Variants in GOLGB1 observed in about 807,000 individuals in gnomAD.
GOLGB1 encodes the protein golgin B1.
GOLGB1 carries 174 observed loss-of-function variants against 336.9 expected under a neutral mutation model. The observed-to-expected ratio is 0.52, with a 90% CI of 0.46 to 0.59. The LOEUF (loss-of-function observed/expected upper bound fraction) is 0.59, where lower values mean the gene tolerates loss of function less well. Among genes scored for constraint, GOLGB1 ranks in the 20% least tolerant of loss-of-function variants. GOLGB1 has a pLI of 0.00. For synonymous variants in GOLGB1, 1,208 were observed against 1,289.2 expected (o/e 0.94, Z 1.35); for missense variants, 3,331 against 3,645.3 (o/e 0.91, Z 2.22).
chr3:121,674,164 T>C (rs981712619), intron 17 of GOLGB1, among the ~76,000 whole-genome samples: 7 of 152,216 alleles, frequency 4.6e-5, no homozygotes, highest in Non-Finnish European at 5.9e-5. Flanking sequence ...ATTCTTTAGG[T>C]TTTTCTAAGT....
At chr3:121,667,889 C>T (rs1453661811) in intron 19 of GOLGB1, among the ~76,000 whole-genome samples, 172 bp downstream of exon 19, 5 of 152,178 alleles carry the variant, frequency 3.3e-5, no homozygotes, top group African/African-American at 1.2e-4. Flanking sequence ...AAACTTTTCA[C>T]ACACAAATGT....
chr3:121,705,460 T>C (rs947400672), intron 10 of GOLGB1, among the ~76,000 whole-genome samples: 1 of 152,178 alleles, frequency 6.6e-6, no homozygotes, highest in African/African-American at 2.4e-5. Context: ...TAATTATCTC[T>C]GAGAGAGGCA....
intron 14 of GOLGB1, among the ~76,000 whole-genome samples, chr3:121,686,444 CTTTTA>C (rs1287322221): frequency 6.6e-6 from 1 of 152,110 alleles, no homozygotes; most frequent in Non-Finnish European, 1.5e-5. Flanking sequence ...TTCTCAGTCC[CTTTTA>C]TTTTATCTTG....
chr3:121,726,906 C>T lies in GOLGB1; in HGVS notation c.531+7G>A. The T allele has an allele frequency of 3.2e-6, 5 of 1,577,994 alleles. No homozygotes were observed. Among genetic ancestry groups the T allele is most frequent in the Non-Finnish European group, 3.4e-6 (4 of 1,161,142 alleles). The stretch of plus-strand genomic sequence containing the variant: ...CCTAATGATTATGAAGTAACTTCCA[C>T]CCCTACCTGTGCAGGTTGTTCTGCC... On this transcript the variant is annotated splice_region_variant and intron_variant, in intron 5 of 21. Coordinates refer to ENST00000614479, the MANE Select transcript of GOLGB1 (RefSeq NM_001366282.2).
At position 121,678,895 on chromosome 3, in the gene GOLGB1, C is replaced by T. The variant is rs114072935; in HGVS notation, c.8874-1445G>A. On this transcript the variant is annotated intron_variant, in intron 15 of 21. Transcript: ENST00000614479. ...GCAGCATGAACCATCTTAAGTTAAA[C>T]AGTAACAACCTCCCAAAAATGAGGC... 3.3e-3 allele frequency among the ~76,000 whole-genome samples: 508 copies of T among 152,240 alleles called. 5 individuals are homozygous for T. Among genetic ancestry groups the T allele is most frequent in the African/African-American group, 0.012 (485 of 41,560 alleles).
At position 121,691,964 on chromosome 3, in the gene GOLGB1, A is replaced by C. The variant is rs184326685; in HGVS notation, c.7400T>G (p.Phe2467Cys). The C allele has an allele frequency of 2.3e-4, 378 of 1,614,108 alleles. No homozygotes were observed. The highest frequency in any genetic ancestry group is 2.8e-4 in the Non-Finnish European group (333 of 1,179,950). ...TTGGAGAGAAGACATGGATTTAACA[A>C]AGGAATCCAACTGTGCCTTTTGCTG... Reference protein sequence around the residue: ...NIQQKAQLDSFVKSMSSLQND... With the variant: ...NIQQKAQLDSCVKSMSSLQND... Residue 2467 changes from phenylalanine to cysteine, a missense_variant, in exon 14 of 22, where the codon TTT (phenylalanine) becomes TGT (cysteine). By Grantham distance (205) the Phe-to-Cys change is radical. Coordinates refer to ENST00000614479, the MANE Select transcript of GOLGB1 (RefSeq NM_001366282.2).
At chr3:121,748,292 T>C (rs1452660742) in intron 1 of GOLGB1, among the ~76,000 whole-genome samples, 1 of 152,212 alleles carries the variant, frequency 6.6e-6, no homozygotes, top group Non-Finnish European at 1.5e-5. Context: ...GCATATTTCA[T>C]ATTATACACA....
intron 1 of GOLGB1, among the ~76,000 whole-genome samples, chr3:121,736,030 T>A (rs1159891337): frequency 6.6e-6 from 1 of 152,180 alleles, no homozygotes; most frequent in South Asian, 2.1e-4. Flanking sequence ...AAGGCTAGAA[T>A]AATTTGAGTC....
In GOLGB1 at chr3:121,667,516, C is replaced by T. The variant is rs769252948; in HGVS notation, c.9514G>A (p.Ala3172Thr). 4.3e-6 allele frequency: 7 copies of T among 1,613,998 alleles called. No homozygotes were observed. In the Admixed American group the frequency reaches 8.3e-5, roughly 19 times the overall value. Residue 3172 changes from alanine to threonine, a missense_variant, in exon 20 of 22, where the codon GCT becomes ACT. Ala to Thr is a moderately conservative substitution (Grantham distance 58). Transcript: ENST00000614479. ...TCGGCCACAGAGAGAGCATTCTCAG[C>T]AGCCACTCTTTGGTCTCGTTCTTCT... ...LEEERDQRVA[A>T]ENALSVAEEQ...
Position 121,698,290 on chromosome 3 carries a change from T to A in GOLGB1, c.2233A>T (p.Thr745Ser). The change falls in exon 13 of 22, where the codon ACT (threonine) becomes TCT (serine). Residue 745 changes from threonine to serine, a missense_variant. Physicochemically the swap from Thr to Ser is moderately conservative, Grantham distance 58. Transcript: ENST00000614479. ...KNADNNSSAF[T>S]ALSEERDQLL... ...TGGTCTCTTTCTTCAGACAAAGCAG[T>A]GAATGCACTGCTGTTGTTGTCAGCA... The A allele has an allele frequency of 6.2e-7, 1 of 1,614,050 alleles. No individual in the cohort carries two copies. The highest frequency in any genetic ancestry group is 8.5e-7 in the Non-Finnish European group (1 of 1,179,938).
chr3:121,734,404 A>AC (rs1433373141), intron 1 of GOLGB1, among the ~76,000 whole-genome samples: 2 of 151,678 alleles, frequency 1.3e-5, no homozygotes, highest in Admixed American at 6.6e-5. Context: ...AAAAAAAAAA[A>AC]AAAAAAACAA....
At position 121,694,034 on chromosome 3, in the gene GOLGB1, T is replaced by G; in HGVS notation, c.6489A>C (p.Thr2163=). 2 of 1,614,110 alleles carry G rather than the reference T, an allele frequency of 1.2e-6. No homozygotes were observed. The highest frequency in any genetic ancestry group is 1.7e-6 in the Non-Finnish European group (2 of 1,179,970). The change falls in exon 13 of 22, where the codon ACA becomes ACC. Residue 2163 remains threonine (T), a synonymous_variant. Transcript: ENST00000614479. ...LRREKVHLEE[T]IGEIQVTLNK... ...TCAAAGTAACCTGAATCTCTCCAAT[T>G]GTCTCTTCCAAGTGGACTTTTTCTC...
intron 10 of GOLGB1, among the ~76,000 whole-genome samples, chr3:121,710,057 A>AG: frequency 6.8e-6 from 1 of 147,600 alleles, no homozygotes; most frequent in Non-Finnish European, 1.5e-5. Flanking sequence ...ACAAAACCCC[A>AG]GGAAAAAAAA....
intron 17 of GOLGB1, among the ~76,000 whole-genome samples, chr3:121,674,820 C>T (rs1211344243): frequency 2.0e-5 from 3 of 148,934 alleles, no homozygotes; most frequent in Non-Finnish European, 4.4e-5. Context: ...GAATGAGGTG[C>T]CTTTCTTTTT....
At chr3:121,668,216 G>T in intron 18 of GOLGB1, 58 bp from the exon 19 acceptor site, 1 of 969,144 alleles carries the variant, frequency 1.0e-6, no homozygotes, top group South Asian at 1.4e-5. Flanking sequence ...AAGTGTATTT[G>T]AGCAAAATGA....
chr3:121,742,549 T>C (rs1011407444), intron 1 of GOLGB1, among the ~76,000 whole-genome samples: 7 of 152,162 alleles, frequency 4.6e-5, no homozygotes, highest in Non-Finnish European at 1.0e-4. Context: ...ATTCAGGACA[T>C]AGGCATGGGC....
chr3:121,683,997 G>A (rs1232146026), intron 14 of GOLGB1, among the ~76,000 whole-genome samples: 1 of 151,428 alleles, frequency 6.6e-6, no homozygotes, highest in South Asian at 2.1e-4. Flanking sequence ...GCGTGGTGGC[G>A]GGAGCCTATA....
chr3:121,700,658 C>G (rs1252639342), intron 11 of GOLGB1, among the ~76,000 whole-genome samples: 1 of 152,064 alleles, frequency 6.6e-6, no homozygotes, highest in Non-Finnish European at 1.5e-5. Flanking sequence ...TCACTCTGCT[C>G]TAAAAACACT....
chr3:121,691,940 T>G lies in GOLGB1; in HGVS notation c.7424A>C (p.Gln2475Pro), dbSNP rs768354452. Reference protein sequence around the residue: ...DSFVKSMSSLQNDRDRIVGDY... With the variant: ...DSFVKSMSSLPNDRDRIVGDY... Reference sequence around the variant, plus strand: ...ACCCACTATGCGGTCTCGATCATTTTGGAGAGAAGACATGGATTTAACAAA... The same window carrying G: ...ACCCACTATGCGGTCTCGATCATTTGGGAGAGAAGACATGGATTTAACAAA... The change falls in exon 14 of 22, where the codon CAA becomes CCA. Residue 2475 changes from glutamine (Q) to proline (P), a missense_variant. Transcript: ENST00000614479. 1 of 1,614,112 alleles carries G rather than the reference T, an allele frequency of 6.2e-7. No homozygotes were observed. Among genetic ancestry groups the G allele is most frequent in the African/African-American group, 1.3e-5 (1 of 74,960 alleles).
Sources: allele counts gnomAD v4.1 joint callset (sites outside exome capture counted in the v4.1 genomes callset), GRCh38; gene constraint gnomAD v4.1.1; transcripts MANE v1.5; gene names NCBI Gene and HGNC (gene_info 2026-07-23, HGNC 2026-07-21).